The following DLG5 variants were observed in gnomAD, a reference collection of about 807,000 sequenced individuals.
DLG5 encodes the protein discs large MAGUK scaffold protein 5.
In DLG5, 48 loss-of-function variants were observed where a neutral mutation model predicts 189.8. The observed-to-expected ratio is 0.25, with a 90% CI of 0.20 to 0.32. DLG5 has a LOEUF of 0.32. DLG5 is among the 10% of genes least tolerant of loss of function. The probability of loss-of-function intolerance (pLI) is 1.00; values close to 1 mark genes in which losing one functional copy is unlikely to be tolerated. For synonymous variants in DLG5, 1,016 were observed against 1,054.1 expected, an observed-to-expected ratio of 0.96 and a Z score of 0.70; for missense variants, 2,160 against 2,544.7, an observed-to-expected ratio of 0.85 and a Z score of 3.25.
intron 2 of DLG5, among the ~76,000 whole-genome samples, chr10:77,859,039 A>AT (rs993695539): frequency 5.3e-5 from 8 of 151,948 alleles, no homozygotes; most frequent in African/African-American, 1.7e-4. Flanking sequence ...CACCCAGCTA[A>AT]TTTTTTTGTA....
chr10:77,860,211 T>C (rs1233861996), intron 2 of DLG5, among the ~76,000 whole-genome samples: 1 of 152,196 alleles, frequency 6.6e-6, no homozygotes, highest in South Asian at 2.1e-4. Context: ...TCTAAACACA[T>C]GCACTTCACC....
At chr10:77,854,424 T>G (rs1161186244) in intron 3 of DLG5, 54 bp from the exon 4 acceptor site, 1 of 1,604,192 alleles carries the variant, frequency 6.2e-7, no homozygotes, top group Non-Finnish European at 8.5e-7. Context: ...TTCACACGGA[T>G]AGAGGAACCA....
At chr10:77,890,643 C>G (rs1324824424) in intron 1 of DLG5, among the ~76,000 whole-genome samples, 6 of 152,198 alleles carry the variant, frequency 3.9e-5, no homozygotes, top group Admixed American at 1.3e-4. Context: ...ATGGAGAAAC[C>G]CCATCTCTAC....
Position 77,816,656 on chromosome 10 carries a change from A to C in DLG5, c.3920T>G (p.Leu1307Arg). Residue 1307 changes from leucine to arginine, a missense_variant, in exon 20 of 32, where the codon CTG (leucine) becomes CGG (arginine). Leu to Arg is a moderately radical substitution (Grantham distance 102). Transcript: ENST00000372391. ...ACAAGAGGACAGGGTGTCGATGTTC[A>C]GGGGTGACTGTGGAGGAGTGCTGCA... ...SECSTPPQSP[L>R]NIDTLSSCSQ... 1.2e-6 allele frequency: 2 copies of C among 1,613,960 alleles called. No homozygotes were observed. Among genetic ancestry groups the C allele is most frequent in the Non-Finnish European group, 1.7e-6 (2 of 1,179,934 alleles).
At chr10:77,836,449 C>T (rs1256434350) in intron 7 of DLG5, among the ~76,000 whole-genome samples, 1 of 152,062 alleles carries the variant, frequency 6.6e-6, no homozygotes, top group Non-Finnish European at 1.5e-5. Flanking sequence ...AAGAGAAGCA[C>T]GACAGCAGAG....
Position 77,796,025 on chromosome 10 carries a change from C to T in DLG5, c.5436+36G>A. On this transcript the variant is annotated intron_variant, in intron 29 of 31. Coordinates refer to ENST00000372391, the MANE Select transcript of DLG5 (RefSeq NM_004747.4). This position sits in a 1 kb window ranked among gnomAD's most constrained non-coding sequence, Gnocchi z 5.2. Reference sequence around the variant, plus strand: ...AGACCTGTGCACAGGAGGTCTAATACTGGATGCCTAATCCTCAGACTGAAG... The same window carrying T: ...AGACCTGTGCACAGGAGGTCTAATATTGGATGCCTAATCCTCAGACTGAAG... 6.2e-7 allele frequency: 1 copy of T among 1,613,980 alleles called. No individual in the cohort carries two copies. The highest frequency in any genetic ancestry group is 8.5e-7 in the Non-Finnish European group (1 of 1,179,990).
At position 77,811,991 on chromosome 10, in the gene DLG5, C is replaced by A; in HGVS notation, c.4255G>T (p.Asp1419Tyr). The A allele has an allele frequency of 6.2e-7, 1 of 1,611,086 alleles. No individual in the cohort carries two copies. The change falls in exon 22 of 32, where the codon GAT (aspartate) becomes TAT (tyrosine). Residue 1419 changes from aspartate (D) to tyrosine (Y), a missense_variant. Physicochemically the swap from Asp to Tyr is radical, Grantham distance 160 (BLOSUM62 -3). Transcript: ENST00000372391. ...TACTGGGCCAGGATGGTGATGGTAT[C>A]ACACTGCTGCCCGATGATGAGCCGC... ...QARLIIGQQC[D>Y]TITILAQYNP...
At chr10:77,843,084 A>G (rs1843505695) in intron 6 of DLG5, among the ~76,000 whole-genome samples, 2 of 152,208 alleles carry the variant, frequency 1.3e-5, no homozygotes, top group African/African-American at 4.8e-5. Context: ...TGACTGCCAC[A>G]GAGGGGAGAG....
rs1046674552 is a variant in DLG5 at position 77,833,933 on chromosome 10, G to A, written c.1729C>T (p.Arg577Cys). The A allele has an allele frequency of 1.9e-6, 3 of 1,606,628 alleles. No homozygotes were observed. The highest frequency in any genetic ancestry group is 2.5e-6 in the Non-Finnish European group (3 of 1,179,930). ...DTRKQKNDVS[R>C]ELKELKEQME... ...GCCTACTTGAGCTCCTTCAGCTCGC[G>A]GCTGACATCATTCTTCTGCTTGCGG... is the stretch of plus-strand genomic sequence containing the variant. Residue 577 changes from arginine (R) to cysteine (C), a missense_variant, in exon 9 of 32, where the codon CGC (arginine) becomes TGC (cysteine). Physicochemically the swap from Arg to Cys is radical, Grantham distance 180. Coordinates refer to ENST00000372391, the MANE Select transcript of DLG5 (RefSeq NM_004747.4).
intron 2 of DLG5, among the ~76,000 whole-genome samples, chr10:77,867,681 C>A (rs577729882): frequency 1.3e-5 from 2 of 152,198 alleles, no homozygotes; most frequent in African/African-American, 4.8e-5. Context: ...TTGTGGCCCC[C>A]CAAAAGATGC....
In DLG5 at chr10:77,792,314, C is replaced by A; in HGVS notation, c.*126G>T. 1 of 968,246 alleles carries A rather than the reference C, an allele frequency of 1.0e-6. No individual in the cohort carries two copies. Among genetic ancestry groups the A allele is most frequent in the Non-Finnish European group, 1.6e-6 (1 of 621,420 alleles). The allele number at this position is 968,246 out of a possible 1,614,324, so 60.0% of individuals were successfully genotyped here. A position where few individuals can be genotyped will look rare whatever the true frequency, so the allele number is the denominator to read the frequency against. On this transcript the variant is annotated 3_prime_UTR_variant, in exon 32 of 32. Coordinates refer to ENST00000372391, the MANE Select transcript of DLG5 (RefSeq NM_004747.4). Reference sequence around the variant, plus strand: ...TCTACAAAGGAGGTGCTTCTGGGTCCTGGTTCCGGATCCTTCCCCCGCATG... The same window carrying A: ...TCTACAAAGGAGGTGCTTCTGGGTCATGGTTCCGGATCCTTCCCCCGCATG...
rs145474380 is a variant in DLG5, at chr10:77,865,896, C to T, written c.373+3233G>A. 1.9e-3 allele frequency among the ~76,000 whole-genome samples: 293 copies of T among 152,308 alleles called. 1 individual carries two copies. Among genetic ancestry groups the T allele is most frequent in the African/African-American group, 6.6e-3 (275 of 41,570 alleles). ...AGACCCGACAGACCGCCTGAGAGAA[C>T]GCTGTCTACACGCCCCAGGCTTCAG... On this transcript the variant is annotated intron_variant, in intron 2 of 31. Coordinates refer to ENST00000372391, the MANE Select transcript of DLG5 (RefSeq NM_004747.4).
chr10:77,835,078 C>T (rs1843058124), intron 8 of DLG5, among the ~76,000 whole-genome samples: 1 of 151,988 alleles, frequency 6.6e-6, no homozygotes, highest in Non-Finnish European at 1.5e-5. Context: ...AAGGCCTCTA[C>T]ACCTGCCCCT....
At chr10:77,818,852 G>C (rs1842192578) in intron 17 of DLG5, among the ~76,000 whole-genome samples, 1 of 151,908 alleles carries the variant, frequency 6.6e-6, no homozygotes, top group Non-Finnish European at 1.5e-5. Context: ...AATTTGTTTA[G>C]TTCAGCAATG....
Position 77,807,956 on chromosome 10 carries a change from G to A in DLG5, c.4648-12C>T, listed in dbSNP as rs757791502. 19 of 1,613,712 alleles carry A rather than the reference G, an allele frequency of 1.2e-5. No homozygotes were observed. Among genetic ancestry groups the A allele is most frequent in the African/African-American group, 2.7e-5 (2 of 74,850 alleles). ...TCCAGGCTGCCATACTGCCAGGGATGGGGGTGGATGCATCAGAAGGCAGAA... is the reference window on the plus strand; with the variant it reads ...TCCAGGCTGCCATACTGCCAGGGATAGGGGTGGATGCATCAGAAGGCAGAA... On this transcript the variant is annotated splice_polypyrimidine_tract_variant and intron_variant, in intron 24 of 31. Coordinates refer to ENST00000372391, the MANE Select transcript of DLG5 (RefSeq NM_004747.4).
rs1841819515 is a variant in DLG5, at chr10:77,812,346, C to A, written c.4057G>T (p.Val1353Leu). 1 of 1,613,728 alleles carries A rather than the reference C, an allele frequency of 6.2e-7. No individual in the cohort carries two copies. The highest frequency in any genetic ancestry group is 1.1e-5 in the South Asian group (1 of 91,076). The stretch of plus-strand genomic sequence containing the variant: ...CCCAGCGGCTCTGAGCCCTTCTGCA[C>A]CTTCACGTGGCGTGGCTCCTCCACA... ...PYVEEPRHVKVQKGSEPLGIS... is the reference protein window; with the variant it reads ...PYVEEPRHVKLQKGSEPLGIS... The change falls in exon 21 of 32, where the codon GTG (valine) becomes TTG (leucine). Residue 1353 changes from valine (V) to leucine (L), a missense_variant. Physicochemically the swap from Val to Leu is conservative, Grantham distance 32. Around this residue, in one of 5 missense-constraint regions of DLG5, gnomAD observed 754 missense variants for 746.5 expected, o/e 1.01. Transcript: ENST00000372391.
intron 13 of DLG5, among the ~76,000 whole-genome samples, chr10:77,825,851 C>T (rs904636932): frequency 6.6e-6 from 1 of 152,138 alleles, no homozygotes; most frequent in African/African-American, 2.4e-5. Context: ...GCCACCATGC[C>T]CGGCCAGTCA....
chr10:77,887,342 C>A (rs746003222), intron 1 of DLG5, among the ~76,000 whole-genome samples: 3 of 152,202 alleles, frequency 2.0e-5, no homozygotes. Flanking sequence ...GCCCACTCAG[C>A]AGCTGCAGTC....
intron 23 of DLG5, among the ~76,000 whole-genome samples, 170 bp from the exon 24 acceptor site, chr10:77,809,900 C>A (rs974456283): frequency 1.1e-4 from 16 of 152,140 alleles, no homozygotes; most frequent in African/African-American, 3.9e-4. Context: ...GGACAGGATG[C>A]TAAGGTGCAC....
Sources: allele counts gnomAD v4.1 joint callset (sites outside exome capture counted in the v4.1 genomes callset), GRCh38; gene constraint gnomAD v4.1.1; regional missense constraint gnomAD v4.1.1; non-coding constraint Gnocchi (gnomAD v3.1); transcripts MANE v1.5; gene names NCBI Gene and HGNC (gene_info 2026-07-23, HGNC 2026-07-21).